UTRN: variants seen among roughly 807,000 people sequenced by gnomAD.
UTRN encodes the protein dystrophin-related protein 1.
In UTRN, 283 loss-of-function variants were observed where a neutral mutation model predicts 463.9. The ratio of observed to expected loss-of-function variants is 0.61; its 90% CI spans 0.55 to 0.67. UTRN has a LOEUF of 0.67. Ranked by LOEUF, UTRN falls within the 30% of genes least tolerant of loss-of-function variation. The pLI, the probability that UTRN is intolerant of heterozygous loss-of-function variation, is 0.00. For synonymous variants in UTRN, 1,442 were observed against 1,431.5 expected (o/e 1.01, Z -0.17); for missense variants, 3,922 against 4,084.3 (o/e 0.96, Z 1.08).
chr6:144,808,054 TAC>T (rs141789874), intron 65 of UTRN, among the ~76,000 whole-genome samples: 6 of 151,658 alleles, frequency 4.0e-5, no homozygotes, highest in Admixed American at 6.6e-5. Flanking sequence ...ATTAGGGAAA[TAC>T]ACACACACAC....
At chr6:144,322,942 C>CAAA (rs554231419) in intron 2 of UTRN, among the ~76,000 whole-genome samples, 2 of 86,540 alleles carry the variant, frequency 2.3e-5, no homozygotes, top group African/African-American at 4.2e-5. Flanking sequence ...GACTCCGTCT[C>CAAA]AAAAAAAAAA....
chr6:144,627,392 TTC>T (rs1450096734), intron 51 of UTRN, among the ~76,000 whole-genome samples: 2 of 152,246 alleles, frequency 1.3e-5, no homozygotes, highest in Admixed American at 6.5e-5. Flanking sequence ...ACCCTTATCT[TTC>T]TGTCTTTGAA....
At chr6:144,721,814 G>A (rs1246538959) in intron 53 of UTRN, among the ~76,000 whole-genome samples, 4 of 151,798 alleles carry the variant, frequency 2.6e-5, no homozygotes, top group African/African-American at 9.7e-5. Context: ...ATAGCCTGAA[G>A]GTAATTTTAT....
intron 60 of UTRN, among the ~76,000 whole-genome samples, chr6:144,774,790 C>T (rs7751403): frequency 0.048 from 7,292 of 152,148 alleles, 526 homozygotes; most frequent in African/African-American, 0.15. Context: ...TGAACTGGCA[C>T]CTTAACAAGT....
At chr6:144,679,327 C>G (rs183575994) in intron 52 of UTRN, among the ~76,000 whole-genome samples, 3 of 152,096 alleles carry the variant, frequency 2.0e-5, no homozygotes, top group African/African-American at 7.2e-5. Context: ...GTGGACAGCT[C>G]CTAATTATAT....
chr6:144,674,331 G>GT (rs796326464), intron 51 of UTRN, among the ~76,000 whole-genome samples: 83 of 141,250 alleles, frequency 5.9e-4, no homozygotes, highest in Middle Eastern at 7.7e-3. Context: ...CTTGGAGGCT[G>GT]TTTTTTTTTT....
chr6:144,643,216 T>C (rs1777939629), intron 51 of UTRN, among the ~76,000 whole-genome samples: 2 of 152,122 alleles, frequency 1.3e-5, no homozygotes, highest in Non-Finnish European at 2.9e-5. Flanking sequence ...GAAAGTAACA[T>C]ACATGAGTGG....
chr6:144,437,832 G>A, intron 11 of UTRN, 86 bp downstream of exon 11: 1 of 1,363,152 alleles, frequency 7.3e-7, no homozygotes, highest in South Asian at 1.6e-5. Flanking sequence ...GTCTGTGAAA[G>A]CGAGATGATT....
At chr6:144,822,618 A>C (rs543204012) in intron 66 of UTRN, among the ~76,000 whole-genome samples, 1 of 152,170 alleles carries the variant, frequency 6.6e-6, no homozygotes, top group Non-Finnish European at 1.5e-5. Flanking sequence ...GTTCGAATAC[A>C]TTCAGGAACA....
At chr6:144,561,264 T>TACACACACAC (rs1163068252) in intron 50 of UTRN, among the ~76,000 whole-genome samples, 2 of 98,842 alleles carry the variant, frequency 2.0e-5, no homozygotes, top group African/African-American at 7.3e-5. Flanking sequence ...TATATATACA[T>TACACACACAC]ACACACACAC....
In UTRN at chr6:144,561,266, C is replaced by CAT. The variant is rs531204659; in HGVS notation, c.7289+3956_7289+3957insTA. On this transcript the variant is annotated intron_variant, in intron 50 of 74. Transcript: ENST00000367545. ...ATATATATATATATATATATACATA[C>CAT]ACACACACACGTATACACACCTGTG... Among the ~76,000 whole-genome samples, 27 of 111,520 alleles carry CAT rather than the reference C, an allele frequency of 2.4e-4. No homozygotes were observed. The East Asian group carries it at 5.7e-3, about 24-fold the overall frequency. 73.2% of individuals were successfully genotyped at this position (111,520 alleles called of 152,430 possible).
chr6:144,387,530 C>T (rs767618793), intron 2 of UTRN, among the ~76,000 whole-genome samples: 5 of 152,196 alleles, frequency 3.3e-5, no homozygotes, highest in Non-Finnish European at 7.3e-5. Flanking sequence ...CCCTCTTCCA[C>T]GGTGTTTCTG....
At chr6:144,493,483 C>G in intron 33 of UTRN, 27 bp downstream of exon 33, 2 of 1,592,540 alleles carry the variant, frequency 1.3e-6, no homozygotes, top group Non-Finnish European at 1.7e-6. Flanking sequence ...CACAGCTCAT[C>G]TCTCTGTCTC....
At chr6:144,312,799 T>C (rs201913741) in intron 2 of UTRN, among the ~76,000 whole-genome samples, 2 of 152,252 alleles carry the variant, frequency 1.3e-5, no homozygotes, top group East Asian at 3.8e-4. Context: ...CATTTTATTT[T>C]ATTTTACTTG....
intron 3 of UTRN, among the ~76,000 whole-genome samples, chr6:144,416,600 G>A (rs1784385634): frequency 6.6e-6 from 1 of 152,222 alleles, no homozygotes; most frequent in Admixed American, 6.5e-5. Context: ...AAGCATGAGT[G>A]CTGGTCTCAC....
rs7752000 is a variant in UTRN at position 144,327,868 on chromosome 6, C to T, written c.79+35961C>T. Among the ~76,000 whole-genome samples, 1,154 of 151,582 alleles carry T rather than the reference C, an allele frequency of 7.6e-3. 19 individuals are homozygous for T. The highest frequency in any genetic ancestry group is 0.025 in the African/African-American group (1,047 of 41,236). The stretch of plus-strand genomic sequence containing the variant: ...CTGAGGCGGGAGAATCACTTGAACC[C>T]GGGAGGTGGAGGTTGCAGTGAGCCG... On this transcript the variant is annotated intron_variant, in intron 2 of 74. Coordinates refer to ENST00000367545, the MANE Select transcript of UTRN (RefSeq NM_007124.3).
At chr6:144,471,300 C>T (rs1790636252) in intron 23 of UTRN, among the ~76,000 whole-genome samples, 1 of 152,114 alleles carries the variant, frequency 6.6e-6, no homozygotes, top group Non-Finnish European at 1.5e-5. Flanking sequence ...GCCACTTACT[C>T]AAGTCAAAGC....
At chr6:144,806,965 A>G (rs1233678661) in intron 65 of UTRN, among the ~76,000 whole-genome samples, 1 of 152,096 alleles carries the variant, frequency 6.6e-6, no homozygotes, top group Non-Finnish European at 1.5e-5. Flanking sequence ...TGGTTCATCC[A>G]TCTTTTACTC....
At chr6:144,815,546 C>A (rs889453696) in intron 65 of UTRN, among the ~76,000 whole-genome samples, 7 of 152,196 alleles carry the variant, frequency 4.6e-5, no homozygotes, top group African/African-American at 1.7e-4. Context: ...GGCCCAAGAG[C>A]CCCTGGCAAA....
Sources: allele counts gnomAD v4.1 joint callset (sites outside exome capture counted in the v4.1 genomes callset), GRCh38; gene constraint gnomAD v4.1.1; transcripts MANE v1.5; gene names NCBI Gene and HGNC (gene_info 2026-07-23, HGNC 2026-07-21).